Variants in ERBB4 observed in about 807,000 individuals in gnomAD.
ERBB4 encodes receptor tyrosine-protein kinase erbB-4.
In ERBB4, 42 loss-of-function variants were observed where a neutral mutation model predicts 158.0. That is an observed-to-expected ratio of 0.27 (90% CI 0.21 to 0.34). The LOEUF (loss-of-function observed/expected upper bound fraction) is 0.34, where lower values mean the gene tolerates loss of function less well. Ranked by LOEUF, ERBB4 falls within the 10% of genes least tolerant of loss-of-function variation. ERBB4 has a pLI of 1.00. For missense variants in ERBB4, 1,333 were observed against 1,624.1 expected (o/e 0.82, Z 3.08); for synonymous variants, 583 against 558.7 (o/e 1.04, Z -0.61).
chr2:211,792,406 T>C (rs1017589583), intron 3 of ERBB4, among the ~76,000 whole-genome samples: 5 of 151,842 alleles, frequency 3.3e-5, no homozygotes, highest in Middle Eastern at 3.4e-3. Flanking sequence ...ATTCTGTGGT[T>C]AGAGAAAGCC....
intron 19 of ERBB4, among the ~76,000 whole-genome samples, chr2:211,600,746 GT>G (rs2068774311): frequency 6.6e-6 from 1 of 152,176 alleles, no homozygotes; most frequent in South Asian, 2.1e-4. Context: ...GAGGCTAACT[GT>G]AAAAATAACT....
intron 3 of ERBB4, among the ~76,000 whole-genome samples, chr2:211,927,218 T>C (rs2080040806): frequency 6.6e-6 from 1 of 152,184 alleles, no homozygotes; most frequent in Non-Finnish European, 1.5e-5. Flanking sequence ...GACATAATGG[T>C]GGACAGCAAG....
At chr2:212,381,156 T>C (rs528733747) in intron 1 of ERBB4, among the ~76,000 whole-genome samples, 1 of 151,414 alleles carries the variant, frequency 6.6e-6, no homozygotes, top group Non-Finnish European at 1.5e-5. Flanking sequence ...ACATTATTTA[T>C]ATTTCACAGG....
At chr2:212,235,495 A>G (rs2083833819) in intron 1 of ERBB4, among the ~76,000 whole-genome samples, 1 of 152,282 alleles carries the variant, frequency 6.6e-6, no homozygotes, top group African/African-American at 2.4e-5. Flanking sequence ...GTTGGTTTTA[A>G]TTCTGTGAAG....
At chr2:211,718,579 A>G (rs940146697) in intron 7 of ERBB4, among the ~76,000 whole-genome samples, 24 of 152,314 alleles carry the variant, frequency 1.6e-4, no homozygotes, top group Non-Finnish European at 2.9e-4. Context: ...TGTACACTGA[A>G]CCATCAGAAA....
chr2:211,783,540 C>A (rs1367727192), intron 4 of ERBB4, among the ~76,000 whole-genome samples: 1 of 152,118 alleles, frequency 6.6e-6, no homozygotes, highest in Non-Finnish European at 1.5e-5. Flanking sequence ...GAGATACGTC[C>A]CATCAGTACC....
rs531267752 is a variant in ERBB4, at chr2:211,900,845, G to C, written c.421+46585C>G. Among the ~76,000 whole-genome samples the C allele has an allele frequency of 1.1e-4, 16 of 152,058 alleles. No individual in the cohort carries two copies. The East Asian group carries it at 2.9e-3, about 28-fold the overall frequency. On this transcript the variant is annotated intron_variant, in intron 3 of 27. Transcript: ENST00000342788. Reference sequence around the variant, plus strand: ...CTCAATTACTGAATTTTAATCAGAAGGATTATTCTACATAGAGTGGCATTT... The same window carrying C: ...CTCAATTACTGAATTTTAATCAGAACGATTATTCTACATAGAGTGGCATTT...
chr2:211,618,895 G>A (rs1427234441), intron 19 of ERBB4, among the ~76,000 whole-genome samples: 2 of 152,016 alleles, frequency 1.3e-5, no homozygotes, highest in Non-Finnish European at 2.9e-5. Flanking sequence ...AACATTACAT[G>A]TCTGAATCAA....
chr2:212,443,018 T>C (rs1246506642), intron 1 of ERBB4, among the ~76,000 whole-genome samples: 2 of 152,238 alleles, frequency 1.3e-5, no homozygotes, highest in Non-Finnish European at 2.9e-5. Flanking sequence ...TTGTACCAGA[T>C]GTGGTTTCAT....
intron 20 of ERBB4, among the ~76,000 whole-genome samples, chr2:211,525,707 G>A (rs1442124833): frequency 2.0e-5 from 3 of 152,054 alleles, no homozygotes; most frequent in Non-Finnish European, 2.9e-5. Context: ...GGCCAAAAGC[G>A]AGCCCATTGC....
At chr2:212,009,581 AG>A (rs1332342899) in intron 2 of ERBB4, among the ~76,000 whole-genome samples, 1 of 152,152 alleles carries the variant, frequency 6.6e-6, no homozygotes, top group Non-Finnish European at 1.5e-5. Flanking sequence ...AAGCTAATAT[AG>A]CTACCAAATC....
chr2:212,385,481 A>G (rs1043324394), intron 1 of ERBB4, among the ~76,000 whole-genome samples: 2 of 151,990 alleles, frequency 1.3e-5, no homozygotes, highest in Non-Finnish European at 2.9e-5. Context: ...AAACAAGCCC[A>G]TACACGATCA....
intron 3 of ERBB4, among the ~76,000 whole-genome samples, chr2:211,812,743 C>T (rs2076788639): frequency 6.6e-6 from 1 of 152,324 alleles, no homozygotes. Context: ...CAAGCCTCAG[C>T]AATGGCAGAT....
At chr2:211,979,801 T>G (rs2081738033) in intron 2 of ERBB4, among the ~76,000 whole-genome samples, 1 of 152,198 alleles carries the variant, frequency 6.6e-6, no homozygotes, top group Non-Finnish European at 1.5e-5. Context: ...TCTGTTTACC[T>G]CTGATTCTTA....
intron 3 of ERBB4, among the ~76,000 whole-genome samples, chr2:211,830,062 A>G (rs1256842414): frequency 1.3e-5 from 2 of 152,128 alleles, no homozygotes; most frequent in Middle Eastern, 3.2e-3. Flanking sequence ...ATACCTCTCT[A>G]TCCCCTGTAC....
intron 1 of ERBB4, among the ~76,000 whole-genome samples, chr2:212,206,355 C>G (rs1385126632): frequency 6.6e-6 from 1 of 152,056 alleles, no homozygotes; most frequent in Non-Finnish European, 1.5e-5. Flanking sequence ...TGACCTTAAG[C>G]AAATTATGTA....
At chr2:212,505,750 A>C (rs1024338014) in intron 1 of ERBB4, among the ~76,000 whole-genome samples, 1 of 148,840 alleles carries the variant, frequency 6.7e-6, no homozygotes, top group African/African-American at 2.4e-5. Flanking sequence ...AAATTCATAC[A>C]AGCATGCCAA....
At chr2:211,879,414 A>G (rs1306327034) in intron 3 of ERBB4, among the ~76,000 whole-genome samples, 1 of 152,212 alleles carries the variant, frequency 6.6e-6, no homozygotes, top group Non-Finnish European at 1.5e-5. Flanking sequence ...AATGATGTTT[A>G]ACCTCATTGA....
At chr2:212,199,496 C>G (rs2082529144) in intron 1 of ERBB4, among the ~76,000 whole-genome samples, 1 of 151,686 alleles carries the variant, frequency 6.6e-6, no homozygotes, top group South Asian at 2.1e-4. Context: ...TTTGAAGTCT[C>G]CACAACTTAC....
Sources: gnomAD v4.1 joint callset for allele counts (sites outside exome capture counted in the v4.1 genomes callset) on GRCh38, gnomAD v4.1.1 for gene constraint, MANE v1.5 for transcripts, NCBI Gene and HGNC (gene_info 2026-07-23, HGNC 2026-07-21) for gene names.